TMEM114: variants seen among roughly 807,000 people sequenced by gnomAD.
TMEM114 encodes transmembrane protein 114.
TMEM114 carries 6 observed loss-of-function variants against 6.2 expected under a neutral mutation model. That is an observed-to-expected ratio of 0.97 (90% confidence interval 0.53 to 1.91). TMEM114 has a LOEUF of 1.91. TMEM114 is among the 40% of genes most tolerant of loss of function. TMEM114 has a pLI of 0.01. For synonymous variants in TMEM114, 104 were observed against 73.0 expected, an observed-to-expected ratio of 1.42 and a Z score of -2.16; for missense variants, 218 against 158.3, an observed-to-expected ratio of 1.38 and a Z score of -2.02.
downstream of TMEM114, among the ~76,000 whole-genome samples, chr16:8,566,620 C>G (rs12922610): frequency 0.65 from 97,668 of 150,824 alleles, 31,766 homozygotes; most frequent in East Asian, 0.74. Context: ...CTCCTTACCA[C>G]GGGCCATGGG....
intron 2 of TMEM114, among the ~76,000 whole-genome samples, chr16:8,561,293 A>G (rs573752291): frequency 6.6e-6 from 1 of 152,360 alleles, no homozygotes; most frequent in East Asian, 1.9e-4. Context: ...ATTAGGAGGA[A>G]GAGTTTCTGG....
intron 2 of TMEM114, among the ~76,000 whole-genome samples, chr16:8,538,721 T>C (rs984096818): frequency 2.6e-5 from 4 of 152,138 alleles, no homozygotes; most frequent in Non-Finnish European, 4.4e-5. Context: ...TTAGCCAGGA[T>C]GGTGTCGATC....
At chr16:8,544,664 A>G (rs1227800280) in intron 2 of TMEM114, among the ~76,000 whole-genome samples, 1 of 152,220 alleles carries the variant, frequency 6.6e-6, no homozygotes, top group Non-Finnish European at 1.5e-5. Flanking sequence ...TGTTTTACAT[A>G]GGGGTACCCC....
intron 2 of TMEM114, among the ~76,000 whole-genome samples, chr16:8,559,400 C>A (rs567568672): frequency 1.5e-5 from 2 of 135,256 alleles, no homozygotes; most frequent in East Asian, 2.4e-4. Context: ...GGACCAACGT[C>A]CCAGCTGTGG....
chr16:8,544,920 TTCTC>T (rs144585319), intron 2 of TMEM114, among the ~76,000 whole-genome samples: 6 of 147,890 alleles, frequency 4.1e-5, no homozygotes, highest in African/African-American at 1.5e-4. Flanking sequence ...CTCAACATCT[TTCTC>T]TCTCTCTCTC....
chr16:8,531,721 A>G, the TMEM114 span, among the ~76,000 whole-genome samples: 1 of 152,228 alleles, frequency 6.6e-6, no homozygotes, highest in Non-Finnish European at 1.5e-5. Context: ...AATTCATGGG[A>G]CACTCAGTTG....
chr16:8,582,809 G>C (rs1902196596), intron 2 of TMEM114, among the ~76,000 whole-genome samples: 1 of 152,192 alleles, frequency 6.6e-6, no homozygotes, highest in South Asian at 2.1e-4. Flanking sequence ...AGGCTCAGGA[G>C]AATTGCTTGA....
At chr16:8,535,909 A>C (rs1900342447), downstream of TMEM114, among the ~76,000 whole-genome samples, 1 of 152,176 alleles carries the variant, frequency 6.6e-6, no homozygotes, top group Non-Finnish European at 1.5e-5. Context: ...TCATGGTCAA[A>C]ATGAAAGATA....
intron 2 of TMEM114, among the ~76,000 whole-genome samples, chr16:8,557,333 T>C (rs1342917779): frequency 6.6e-6 from 1 of 152,038 alleles, no homozygotes; most frequent in African/African-American, 2.4e-5. Flanking sequence ...AAAGCCCTGA[T>C]ACTACCATAT....
At chr16:8,530,605 G>T in the TMEM114 span, among the ~76,000 whole-genome samples, 1 of 151,758 alleles carries the variant, frequency 6.6e-6, no homozygotes, top group African/African-American at 2.4e-5. Flanking sequence ...AAGGAAGGAA[G>T]AAGGGAAGGT....
At chr16:8,571,503 G>C (rs890391046) in intron 3 of TMEM114, among the ~76,000 whole-genome samples, 1 of 152,138 alleles carries the variant, frequency 6.6e-6, no homozygotes, top group Non-Finnish European at 1.5e-5. Context: ...GTTAACTGCT[G>C]TCACCATGAC....
downstream of TMEM114, among the ~76,000 whole-genome samples, chr16:8,567,147 G>GATCCACCC (rs1901573900): frequency 6.6e-6 from 1 of 151,512 alleles, no homozygotes; most frequent in Non-Finnish European, 1.5e-5. Context: ...GACCTCAGGT[G>GATCCACCC]ACCTGCCTGT....
chr16:8,543,776 A>G (rs73505729), intron 2 of TMEM114, among the ~76,000 whole-genome samples: 2,238 of 152,274 alleles, frequency 0.015, 54 homozygotes, highest in African/African-American at 0.052. Flanking sequence ...CTATAGCCCA[A>G]ATTCCACACA....
intron 2 of TMEM114, among the ~76,000 whole-genome samples, chr16:8,548,685 A>T (rs1900747382): frequency 1.7e-5 from 2 of 116,166 alleles, no homozygotes; most frequent in African/African-American, 8.0e-5. Context: ...GTGAGCTAAA[A>T]ATTGCCATGT....
chr16:8,575,144 T>A (rs947158773), intron 2 of TMEM114, among the ~76,000 whole-genome samples: 2 of 152,130 alleles, frequency 1.3e-5, no homozygotes, highest in Admixed American at 6.5e-5. Flanking sequence ...AGTGAGGGGT[T>A]ACAGTCAAAA....
At position 8,572,115 on chromosome 16, in the gene TMEM114, CAGG is replaced by C. The variant is rs749794162; in HGVS notation, c.408_410del (p.Leu138del). ...CAAAGAGGAAGAGAATTCCAGTGAG[CAGG>C]AGGAGGAGGTAGGCTTGGAGGAGGA... On this transcript the variant is annotated inframe_deletion, in exon 3 of 4. Transcript: ENST00000620492. The C allele has an allele frequency of 1.9e-5, 29 of 1,550,558 alleles. No homozygotes were observed. The highest frequency in any genetic ancestry group is 5.9e-5 in the Admixed American group (3 of 50,870).
At chr16:8,559,205 G>A (rs1030387198) in intron 2 of TMEM114, among the ~76,000 whole-genome samples, 2 of 150,936 alleles carry the variant, frequency 1.3e-5, no homozygotes, top group African/African-American at 4.9e-5. Context: ...ACTACGCCCG[G>A]ATAATTTTTG....
the TMEM114 span, among the ~76,000 whole-genome samples, chr16:8,529,172 A>T: frequency 6.6e-6 from 1 of 152,232 alleles, no homozygotes; most frequent in African/African-American, 2.4e-5. Context: ...CTCCATCATT[A>T]TGGGAAGAGA....
downstream of TMEM114, among the ~76,000 whole-genome samples, chr16:8,564,736 AG>A (rs1901467397): frequency 2.0e-5 from 3 of 151,640 alleles, no homozygotes; most frequent in Admixed American, 1.3e-4. Flanking sequence ...TGAGTGAGGG[AG>A]GGAGGGAATG....
Sources: gnomAD v4.1 joint callset for allele counts (sites outside exome capture counted in the v4.1 genomes callset) on GRCh38, gnomAD v4.1.1 for gene constraint, MANE v1.5 for transcripts, NCBI Gene and HGNC (gene_info 2026-07-23, HGNC 2026-07-21) for gene names.